Variants in NMT1 observed in about 807,000 individuals in gnomAD.
NMT1 encodes N-myristoyltransferase 1.
Under a neutral mutation model 63.4 loss-of-function variants are expected in NMT1, and 12 were observed. That is an observed-to-expected ratio of 0.19 (90% confidence interval 0.12 to 0.31). The LOEUF is 0.31. NMT1 is among the 10% of genes least tolerant of loss of function. The pLI is 1.00. For missense variants in NMT1, 432 were observed against 634.6 expected (o/e 0.68, Z 3.43); for synonymous variants, 228 against 234.3 (o/e 0.97, Z 0.25).
intron 1 of NMT1, among the ~76,000 whole-genome samples, chr17:45,067,978 T>C (rs2053913618): frequency 6.6e-6 from 1 of 152,182 alleles, no homozygotes; most frequent in South Asian, 2.1e-4. Context: ...ACCCTTTCCC[T>C]ATAGAGCCCA....
chr17:45,074,441 G>A (rs1045772174), intron 1 of NMT1, among the ~76,000 whole-genome samples: 4 of 151,984 alleles, frequency 2.6e-5, no homozygotes, highest in Admixed American at 1.3e-4. Flanking sequence ...GGATGGTCGC[G>A]ATCTCCTGAC....
intron 3 of NMT1, among the ~76,000 whole-genome samples, chr17:45,092,125 G>A (rs1198103118): frequency 1.3e-5 from 2 of 152,170 alleles, no homozygotes; most frequent in African/African-American, 4.8e-5. Context: ...TCCCTGTTGT[G>A]TGTCCCTGCA....
intron 8 of NMT1, among the ~76,000 whole-genome samples, chr17:45,101,617 CAAAAAAAAAAAA>C (rs748973404): frequency 1.9e-5 from 1 of 53,368 alleles, no homozygotes; most frequent in Non-Finnish European, 3.2e-5. Flanking sequence ...GACTCCGTCG[CAAAAAAAAAAAA>C]AAAAAAAAAA....
intron 8 of NMT1, 114 bp downstream of exon 8, chr17:45,099,627 C>T (rs770441299): frequency 2.2e-5 from 16 of 719,412 alleles, no homozygotes; most frequent in Non-Finnish European, 3.5e-5. Flanking sequence ...ACTGGAAAAG[C>T]GAACCAGCCC....
chr17:45,072,968 A>G (rs1424384886), intron 1 of NMT1, among the ~76,000 whole-genome samples: 2 of 152,170 alleles, frequency 1.3e-5, no homozygotes, highest in Non-Finnish European at 1.5e-5. Flanking sequence ...TGTCCTGTGC[A>G]AACAGAACTG....
In NMT1 at chr17:45,103,186, C is replaced by A; in HGVS notation, c.1164+65C>A. The stretch of plus-strand genomic sequence containing the variant: ...CCAGAGAGGCACCCCCCTGAGTGGC[C>A]GGGTTCCCAGGGCTCGAGTGTTGGC... On this transcript the variant is annotated intron_variant, in intron 9 of 11. Coordinates refer to ENST00000258960, the MANE Select transcript of NMT1 (RefSeq NM_021079.5). This position sits in a 1 kb window ranked among gnomAD's most constrained non-coding sequence, Gnocchi z 4.8. The A allele has an allele frequency of 1.3e-6, 2 of 1,517,240 alleles. No individual in the cohort carries two copies. The highest frequency in any genetic ancestry group is 1.8e-6 in the Non-Finnish European group (2 of 1,108,998). 94.0% of individuals were successfully genotyped at this position (1,517,240 alleles called of 1,614,324 possible). A position where few individuals can be genotyped will look rare whatever the true frequency, so the allele number is the denominator to read the frequency against.
intron 2 of NMT1, among the ~76,000 whole-genome samples, chr17:45,082,277 T>G (rs970196710): frequency 9.9e-5 from 15 of 151,454 alleles, no homozygotes; most frequent in South Asian, 2.1e-4. Context: ...GTCCAGTTTT[T>G]TTTTTTTTTT....
In NMT1 at chr17:45,105,729, T is replaced by A; in HGVS notation, c.*90T>A. On this transcript the variant is annotated 3_prime_UTR_variant, in exon 12 of 12. Transcript: ENST00000258960. The surrounding 1 kb of genome is among the most constrained non-coding windows in gnomAD (Gnocchi z 4.2). The stretch of plus-strand genomic sequence containing the variant: ...ACTGTTGGTCCAATTTTCACACACG[T>A]GAGAATCCCTGGCAAAGGGAGCAGA... 7.6e-7 allele frequency: 1 copy of A among 1,322,760 alleles called. No individual in the cohort carries two copies. 81.9% of individuals were successfully genotyped at this position (1,322,760 alleles called of 1,614,324 possible). A position where few individuals can be genotyped will look rare whatever the true frequency, so the allele number is the denominator to read the frequency against.
chr17:45,089,373 C>A (rs1464810448), intron 3 of NMT1, among the ~76,000 whole-genome samples: 2 of 152,102 alleles, frequency 1.3e-5, no homozygotes. Flanking sequence ...GACAGAGTCT[C>A]ACTCTGTCGC....
At chr17:45,089,172 G>A (rs143030098) in intron 3 of NMT1, among the ~76,000 whole-genome samples, 1 of 152,330 alleles carries the variant, frequency 6.6e-6, no homozygotes, top group East Asian at 1.9e-4. Context: ...TTTTCTCAGG[G>A]GTGGTGGTAC....
At chr17:45,096,440 T>C (rs1041679355) in intron 5 of NMT1, among the ~76,000 whole-genome samples, 155 bp downstream of exon 5, 6 of 152,238 alleles carry the variant, frequency 3.9e-5, no homozygotes, top group Admixed American at 3.9e-4. Context: ...ACACTTGCTT[T>C]CATTAGCACT....
intron 1 of NMT1, among the ~76,000 whole-genome samples, chr17:45,068,431 C>A (rs1026557381): frequency 5.3e-5 from 8 of 152,172 alleles, no homozygotes; most frequent in Non-Finnish European, 1.5e-5. Context: ...CAGATGGCGC[C>A]ATTGCACTTC....
In NMT1 at chr17:45,104,719, C is replaced by A. The variant is rs1264953350; in HGVS notation, c.1333-140C>A. ...GAACCACCCGGAGAGCGGGGATTAA[C>A]GTGGAAGCAGCGGAGCTTCTGAGGG... On this transcript the variant is annotated intron_variant, in intron 10 of 11. Coordinates refer to ENST00000258960, the MANE Select transcript of NMT1 (RefSeq NM_021079.5). This position sits in a 1 kb window ranked among gnomAD's most constrained non-coding sequence, Gnocchi z 4.2. 1.4e-6 allele frequency: 2 copies of A among 1,479,582 alleles called. No homozygotes were observed. Among genetic ancestry groups the A allele is most frequent in the Non-Finnish European group, 1.8e-6 (2 of 1,117,194 alleles). 91.7% of individuals were successfully genotyped at this position (1,479,582 alleles called of 1,614,324 possible).
At chr17:45,068,207 C>T (rs1394192082) in intron 1 of NMT1, among the ~76,000 whole-genome samples, 1 of 152,162 alleles carries the variant, frequency 6.6e-6, no homozygotes, top group Non-Finnish European at 1.5e-5. Context: ...TCAGTATTTG[C>T]CTCAAAAATG....
At chr17:45,070,247 A>G (rs1473539087) in intron 1 of NMT1, among the ~76,000 whole-genome samples, 1 of 147,602 alleles carries the variant, frequency 6.8e-6, no homozygotes, top group Non-Finnish European at 1.5e-5. Flanking sequence ...CTCCCAGGGT[A>G]CCTTTTTTTG....
At position 45,103,176 on chromosome 17, in the gene NMT1, CCT is replaced by C. The variant is rs1425656122; in HGVS notation, c.1164+56_1164+57del. ...TAACACGTTCCCAGAGAGGCACCCC[CCT>C]GAGTGGCCGGGTTCCCAGGGCTCGA... On this transcript the variant is annotated intron_variant, in intron 9 of 11. Transcript: ENST00000258960. The surrounding 1 kb of genome is among the most constrained non-coding windows in gnomAD (Gnocchi z 4.8). 1.3e-5 allele frequency: 20 copies of C among 1,544,452 alleles called. No homozygotes were observed. Among genetic ancestry groups the C allele is most frequent in the Admixed American group, 5.2e-5 (3 of 57,790 alleles).
At chr17:45,101,793 C>T (rs1371129811) in intron 8 of NMT1, among the ~76,000 whole-genome samples, 4 of 152,112 alleles carry the variant, frequency 2.6e-5, no homozygotes, top group Non-Finnish European at 5.9e-5. Context: ...CAGGCTAATC[C>T]ACCTAGTGAT....
chr17:45,105,779 C>T lies in NMT1; in HGVS notation c.*140C>T, dbSNP rs771408813. 2 of 784,436 alleles carry T rather than the reference C, an allele frequency of 2.5e-6. No individual in the cohort carries two copies. The highest frequency in any genetic ancestry group is 4.0e-6 in the Non-Finnish European group (2 of 495,134). 48.6% of individuals were successfully genotyped at this position (784,436 alleles called of 1,614,324 possible). A position where few individuals can be genotyped will look rare whatever the true frequency, so the allele number is the denominator to read the frequency against. On this transcript the variant is annotated 3_prime_UTR_variant, in exon 12 of 12. Coordinates refer to ENST00000258960, the MANE Select transcript of NMT1 (RefSeq NM_021079.5). This position sits in a 1 kb window ranked among gnomAD's most constrained non-coding sequence, Gnocchi z 4.2. ...AACTGAACCGGCTTTACCAAACCGCCAGCGAACTTGACAATTGTATTGCGA... is the reference window on the plus strand; with the variant it reads ...AACTGAACCGGCTTTACCAAACCGCTAGCGAACTTGACAATTGTATTGCGA...
At chr17:45,082,325 A>G (rs995435568) in intron 2 of NMT1, among the ~76,000 whole-genome samples, 2 of 151,300 alleles carry the variant, frequency 1.3e-5, no homozygotes, top group Non-Finnish European at 2.9e-5. Context: ...ATGTTACCCA[A>G]GCTGGGTCTT....
Sources: gnomAD v4.1 joint callset for allele counts (sites outside exome capture counted in the v4.1 genomes callset) on GRCh38, gnomAD v4.1.1 for gene constraint, Gnocchi (gnomAD v3.1) non-coding constraint, MANE v1.5 for transcripts, NCBI Gene and HGNC (gene_info 2026-07-23, HGNC 2026-07-21) for gene names.